Variants in FAT4 observed in about 807,000 individuals in gnomAD.
FAT4 encodes the protein FAT atypical cadherin 4, also known as protocadherin Fat 4.
FAT4 carries 84 observed loss-of-function variants against 303.9 expected under a neutral mutation model. The ratio of observed to expected loss-of-function variants is 0.28; its 90% CI spans 0.23 to 0.33. FAT4 has a LOEUF of 0.33. Ranked by LOEUF, FAT4 falls within the 10% of genes least tolerant of loss-of-function variation. The pLI is 1.00. For missense variants in FAT4, 6,005 were observed against 6,146.8 expected (o/e 0.98, Z 0.77); for synonymous variants, 2,307 against 2,298.8 (o/e 1.00, Z -0.10).
Position 125,491,784 on chromosome 4 carries a change from A to G in FAT4, c.*16A>G. 1 of 1,568,270 alleles carries G rather than the reference A, an allele frequency of 6.4e-7. No homozygotes were observed. Among genetic ancestry groups the G allele is most frequent in the South Asian group, 1.2e-5 (1 of 83,082 alleles). On this transcript the variant is annotated 3_prime_UTR_variant, in exon 18 of 18. Transcript: ENST00000394329. ...GTATGTGTGAAGTTTATGTACTGGC[A>G]CTATAAAATATAAAAACAAGAAATA...
At chr4:125,436,193 T>TAAAA (rs34055140) in intron 8 of FAT4, among the ~76,000 whole-genome samples, 1 of 148,610 alleles carries the variant, frequency 6.7e-6, no homozygotes, top group African/African-American at 2.5e-5. Context: ...AGTATAATAA[T>TAAAA]AAAAAAAAAA....
chr4:125,368,743 G>C (rs777650035), intron 2 of FAT4, among the ~76,000 whole-genome samples: 4 of 150,002 alleles, frequency 2.7e-5, no homozygotes, highest in Admixed American at 1.3e-4. Flanking sequence ...TTTTTTTTGA[G>C]AGAGAGAGAG....
At chr4:125,430,335 A>G (rs1038303030) in intron 7 of FAT4, among the ~76,000 whole-genome samples, 1 of 152,116 alleles carries the variant, frequency 6.6e-6, no homozygotes, top group Non-Finnish European at 1.5e-5. Context: ...AAATTAAGAG[A>G]CATTCCATTT....
chr4:125,451,367 G>T lies in FAT4; in HGVS notation c.10357G>T (p.Gly3453Cys), dbSNP rs369887674. Reference sequence around the variant, plus strand: ...CTTCATCGGATCAGGGAATGAAAATGGTGCCTTTTCTATTAATCCGCAGAC... The same window carrying T: ...CTTCATCGGATCAGGGAATGAAAATTGTGCCTTTTCTATTAATCCGCAGAC... ...SYFIGSGNEN[G>C]AFSINPQTGQ... Residue 3453 changes from glycine to cysteine, a missense_variant, in exon 10 of 18, where the codon GGT becomes TGT. By Grantham distance (159) the Gly-to-Cys change is radical. Transcript: ENST00000394329. 6.2e-7 allele frequency: 1 copy of T among 1,613,946 alleles called. No homozygotes were observed. The highest frequency in any genetic ancestry group is 1.3e-5 in the African/African-American group (1 of 74,884).
At chr4:125,440,436 T>G (rs1397938679) in intron 8 of FAT4, among the ~76,000 whole-genome samples, 1 of 152,130 alleles carries the variant, frequency 6.6e-6, no homozygotes, top group East Asian at 1.9e-4. Flanking sequence ...TCTTTTCTTT[T>G]TGGCATTTTT....
chr4:125,355,797 C>CTGATGA, intron 2 of FAT4, among the ~76,000 whole-genome samples: 1 of 151,502 alleles, frequency 6.6e-6, no homozygotes, highest in Non-Finnish European at 1.5e-5. Flanking sequence ...ACATATGGCA[C>CTGATGA]TGATGATGAT....
Position 125,452,423 on chromosome 4 carries a change from C to G in FAT4, c.11413C>G (p.His3805Asp). 1 of 1,614,076 alleles carries G rather than the reference C, an allele frequency of 6.2e-7. No individual in the cohort carries two copies. Among genetic ancestry groups the G allele is most frequent in the South Asian group, 1.1e-5 (1 of 91,080 alleles). ...QSGVKVESVD[H>D]DSCVHGPCQN... ...TGGAGTAAAGGTGGAATCTGTGGAT[C>G]ATGACTCCTGTGTGCATGGCCCATG... Residue 3805 changes from histidine (H) to aspartate (D), a missense_variant, in exon 10 of 18, where the codon CAT (histidine) becomes GAT (aspartate). Transcript: ENST00000394329.
In FAT4 at chr4:125,490,130, G is replaced by A. The variant is rs1727564344; in HGVS notation, c.13314G>A (p.Gln4438=). The change falls in exon 18 of 18, where the codon CAG becomes CAA. Residue 4438 remains glutamine (Q), a synonymous_variant. Transcript: ENST00000394329. ...GGGACTGTGCCTCCCACCCGTGCCA[G>A]AATGGTGGCAGCTGTGAGCCAGGCC... is the stretch of plus-strand genomic sequence containing the variant. ...PPGDCASHPC[Q]NGGSCEPGLH... is the part of the protein sequence containing the mutation. 1 of 1,614,118 alleles carries A rather than the reference G, an allele frequency of 6.2e-7. No homozygotes were observed. The highest frequency in any genetic ancestry group is 8.5e-7 in the Non-Finnish European group (1 of 1,180,022).
At position 125,319,277 on chromosome 4, in the gene FAT4, G is replaced by T. The variant is rs755254890; in HGVS notation, c.2866G>T (p.Asp956Tyr). ...NGTISLLGPL[D>Y]VHAGSYQIEI... ...CACTATTAGTCTGCTTGGGCCCCTG[G>T]ATGTTCATGCTGGCTCCTACCAAAT... Residue 956 changes from aspartate to tyrosine, a missense_variant, in exon 2 of 18, where the codon GAT (aspartate) becomes TAT (tyrosine). By Grantham distance (160) the Asp-to-Tyr change is radical. Transcript: ENST00000394329. The T allele has an allele frequency of 5.0e-6, 8 of 1,614,130 alleles. No individual in the cohort carries two copies. Among genetic ancestry groups the T allele is most frequent in the Non-Finnish European group, 6.8e-6 (8 of 1,180,024 alleles).
At chr4:125,462,931 G>A (rs1225396307) in intron 10 of FAT4, among the ~76,000 whole-genome samples, 2 of 151,986 alleles carry the variant, frequency 1.3e-5, no homozygotes, top group South Asian at 2.1e-4. Flanking sequence ...GATCATGTAT[G>A]AGAAAAGTCT....
At chr4:125,391,026 G>C (rs1168058315) in intron 2 of FAT4, among the ~76,000 whole-genome samples, 1 of 152,120 alleles carries the variant, frequency 6.6e-6, no homozygotes, top group Non-Finnish European at 1.5e-5. Flanking sequence ...AACAATAGAT[G>C]CTTCTGAGGC....
chr4:125,364,448 A>G (rs1732789478), intron 2 of FAT4, among the ~76,000 whole-genome samples: 1 of 152,134 alleles, frequency 6.6e-6, no homozygotes, highest in Non-Finnish European at 1.5e-5. Context: ...ATTTTAATAA[A>G]TTATGATAAG....
chr4:125,440,783 A>G lies in FAT4; in HGVS notation c.7200-5510A>G, dbSNP rs369341995. On this transcript the variant is annotated intron_variant, in intron 8 of 17. Coordinates refer to ENST00000394329, the MANE Select transcript of FAT4 (RefSeq NM_001291303.3). The stretch of plus-strand genomic sequence containing the variant: ...ATATTACACTGGAGGTTCTGTTGGC[A>G]TCATAAACACAGTGTACCTAAAATT... Among the ~76,000 whole-genome samples the G allele has an allele frequency of 6.6e-5, 10 of 152,266 alleles. No homozygotes were observed. The East Asian group carries it at 1.4e-3, about 21-fold the overall frequency.
chr4:125,365,884 T>C (rs1732860615), intron 2 of FAT4, among the ~76,000 whole-genome samples: 1 of 152,182 alleles, frequency 6.6e-6, no homozygotes, highest in South Asian at 2.1e-4. Flanking sequence ...CACTGACCAG[T>C]ACGGGTCTGT....
chr4:125,340,675 TCTC>T (rs1489413157), intron 2 of FAT4, among the ~76,000 whole-genome samples: 1 of 152,238 alleles, frequency 6.6e-6, no homozygotes, highest in African/African-American at 2.4e-5. Context: ...TAGAAGCTCT[TCTC>T]TAAAGTTTTC....
At chr4:125,412,884 C>G (rs1734899531) in intron 5 of FAT4, among the ~76,000 whole-genome samples, 1 of 151,658 alleles carries the variant, frequency 6.6e-6, no homozygotes, top group Non-Finnish European at 1.5e-5. Context: ...AACTGCATTT[C>G]TCAATAATAG....
chr4:125,315,448 AC>A lies in FAT4; in HGVS notation c.-535del, dbSNP rs539092032. Among the ~76,000 whole-genome samples, 19 of 149,922 alleles carry A rather than the reference AC, an allele frequency of 1.3e-4. No individual in the cohort carries two copies. The South Asian group carries it at 3.6e-3, about 29-fold the overall frequency. On this transcript the variant is annotated 5_prime_UTR_variant, in exon 1 of 18. Transcript: ENST00000394329. ...TTCTGACTGGGGCCGCCGGAGAACGACCCCCCCTGGCATGGTGAGGGGAGGG... is the reference window on the plus strand; with the variant it reads ...TTCTGACTGGGGCCGCCGGAGAACGACCCCCCTGGCATGGTGAGGGGAGGG...
intron 2 of FAT4, among the ~76,000 whole-genome samples, chr4:125,346,185 C>T (rs957902605): frequency 6.6e-6 from 1 of 152,006 alleles, no homozygotes; most frequent in Admixed American, 6.6e-5. Context: ...AGCTTGTACA[C>T]AAACTTTTAA....
rs116909120 is a variant in FAT4, at chr4:125,440,866, G to T, written c.7200-5427G>T. Among the ~76,000 whole-genome samples, 76 of 151,976 alleles carry T rather than the reference G, an allele frequency of 5.0e-4. 2 individuals are homozygous for T. In the East Asian group the frequency reaches 0.015, roughly 29 times the overall value. ...TGCTTTGTTTTAATAATATTGTCTTGGTTTGTTTTTTACCACACCTTGCAG... is the reference window on the plus strand; with the variant it reads ...TGCTTTGTTTTAATAATATTGTCTTTGTTTGTTTTTTACCACACCTTGCAG... On this transcript the variant is annotated intron_variant, in intron 8 of 17. Coordinates refer to ENST00000394329, the MANE Select transcript of FAT4 (RefSeq NM_001291303.3).
Sources: gnomAD v4.1 joint callset for allele counts (sites outside exome capture counted in the v4.1 genomes callset) on GRCh38, gnomAD v4.1.1 for gene constraint, MANE v1.5 for transcripts, NCBI Gene and HGNC (gene_info 2026-07-23, HGNC 2026-07-21) for gene names.